The following TRIP11 variants were observed in gnomAD, a reference collection of about 807,000 sequenced individuals.
TRIP11 encodes the protein thyroid hormone receptor interactor 11, also known as thyroid receptor-interacting protein 11.
Under a neutral mutation model 223.1 loss-of-function variants are expected in TRIP11, and 148 were observed. That is an observed-to-expected ratio of 0.66 (90% CI 0.58 to 0.76). The LOEUF is 0.76. Among genes scored for constraint, TRIP11 ranks in the 30% least tolerant of loss-of-function variants. The pLI, the probability that TRIP11 is intolerant of heterozygous loss-of-function variation, is 0.00. For synonymous variants in TRIP11, 762 were observed against 772.6 expected (o/e 0.99, Z 0.23); for missense variants, 2,043 against 2,222.0 (o/e 0.92, Z 1.62).
intron 1 of TRIP11, among the ~76,000 whole-genome samples, chr14:92,035,513 C>G (rs1236608095): frequency 6.7e-6 from 1 of 150,180 alleles, no homozygotes; most frequent in African/African-American, 2.5e-5. Context: ...ATAAAATACA[C>G]TAACAATCGC....
Position 91,993,844 on chromosome 14 carries a change from C to T in TRIP11, c.5125G>A (p.Ala1709Thr), listed in dbSNP as rs141965887. 3.0e-4 allele frequency: 490 copies of T among 1,613,694 alleles called. 5 individuals carry two copies. In the African/African-American group the frequency reaches 5.5e-3, roughly 18 times the overall value. Residue 1709 changes from alanine (A) to threonine (T), a missense_variant, in exon 15 of 21, where the codon GCA becomes ACA. By Grantham distance (58) the Ala-to-Thr change is moderately conservative (BLOSUM62 0). Coordinates refer to ENST00000267622, the MANE Select transcript of TRIP11 (RefSeq NM_004239.4). ...KQLIAEWKKN[A>T]ENLEGKVISL... ...ATCACTTTTCCTTCCAGATTTTCTG[C>T]GTTTTTCTTCCATTCAGCTATAAGC...
intron 16 of TRIP11, among the ~76,000 whole-genome samples, chr14:91,988,081 A>G (rs1200407147): frequency 6.6e-6 from 1 of 152,162 alleles, no homozygotes; most frequent in African/African-American, 2.4e-5. Flanking sequence ...AGGAAAACTA[A>G]CTGGACAGCC....
intron 14 of TRIP11, among the ~76,000 whole-genome samples, chr14:91,995,019 C>T (rs1174695293): frequency 6.6e-6 from 1 of 151,914 alleles, no homozygotes; most frequent in Non-Finnish European, 1.5e-5. Flanking sequence ...ATCTCTCTTT[C>T]TTTGTATTCT....
intron 16 of TRIP11, among the ~76,000 whole-genome samples, chr14:91,979,760 T>C (rs980810453): frequency 3.9e-5 from 6 of 152,046 alleles, no homozygotes; most frequent in Non-Finnish European, 8.8e-5. Flanking sequence ...ACTACAAAGG[T>C]CCCTACAGAT....
At chr14:92,009,155 A>G (rs10137348) in intron 9 of TRIP11, among the ~76,000 whole-genome samples, 5,481 of 152,290 alleles carry the variant, frequency 0.036, 315 homozygotes, top group African/African-American at 0.11. Context: ...CTTTAGGTAG[A>G]TCTTAAAAGC....
intron 2 of TRIP11, among the ~76,000 whole-genome samples, chr14:92,032,048 C>T (rs374880314): frequency 3.9e-5 from 6 of 152,174 alleles, no homozygotes; most frequent in African/African-American, 1.4e-4. Flanking sequence ...CATCCTCCCA[C>T]CTCCACCTCC....
At chr14:91,981,012 A>ATATATATATAT (rs1301331303) in intron 16 of TRIP11, among the ~76,000 whole-genome samples, 1 of 49,926 alleles carries the variant, frequency 2.0e-5, no homozygotes, top group African/African-American at 6.7e-5. Context: ...ATATATATAT[A>ATATATATATAT]TTTTTTTTTT....
chr14:91,999,508 T>G (rs2056794482), intron 12 of TRIP11, 75 bp from the exon 13 acceptor site: 2 of 1,457,114 alleles, frequency 1.4e-6, no homozygotes, highest in East Asian at 4.7e-5. Context: ...TTATCAAATC[T>G]TTTTCCCATT....
At position 91,974,717 on chromosome 14, in the gene TRIP11, A is replaced by G. The variant is rs376249275; in HGVS notation, c.5484T>C (p.Val1828=). The G allele has an allele frequency of 1.4e-5, 23 of 1,613,334 alleles. No homozygotes were observed. The highest frequency in any genetic ancestry group is 1.9e-5 in the Non-Finnish European group (23 of 1,179,896). The change falls in exon 19 of 21, where the codon GTT becomes GTC. Residue 1828 remains valine (V), a synonymous_variant. Transcript: ENST00000267622. ...CAAGCCACCCAGTCATCCACCTGGT[A>G]ACACCGCCCTGATCGTCATGAAACA... ...EQLFHDDQGG[V]TRWMTGWLGG... is the part of the protein sequence containing the mutation.
chr14:92,011,362 G>T (rs1412681082), intron 8 of TRIP11, among the ~76,000 whole-genome samples: 1 of 151,100 alleles, frequency 6.6e-6, no homozygotes, highest in Non-Finnish European at 1.5e-5. Context: ...GTGGTGGCAC[G>T]CTCCTATCAT....
rs1049708685 is a variant in TRIP11, at chr14:92,008,030, T to C, written c.1315-178A>G. On this transcript the variant is annotated intron_variant, in intron 9 of 20. Coordinates refer to ENST00000267622, the MANE Select transcript of TRIP11 (RefSeq NM_004239.4). ...CAACAAACCACATCCTTCATTCATGTGCAATTTTACTTGTAGCTTCAAGCA... is the reference window on the plus strand; with the variant it reads ...CAACAAACCACATCCTTCATTCATGCGCAATTTTACTTGTAGCTTCAAGCA... 5.3e-5 allele frequency among the ~76,000 whole-genome samples: 8 copies of C among 152,228 alleles called. 1 individual carries two copies. The highest frequency in any genetic ancestry group is 5.2e-4 in the Admixed American group (8 of 15,292).
At position 92,003,837 on chromosome 14, in the gene TRIP11, G is replaced by C; in HGVS notation, c.4139C>G (p.Thr1380Ser). 6.2e-7 allele frequency: 1 copy of C among 1,614,038 alleles called. No homozygotes were observed. Among genetic ancestry groups the C allele is most frequent in the Non-Finnish European group, 8.5e-7 (1 of 1,180,026 alleles). The change falls in exon 11 of 21, where the codon ACC becomes AGC. Residue 1380 changes from threonine (T) to serine (S), a missense_variant. Transcript: ENST00000267622. ...NHRLSDSIAA[T>S]SELERKEHEQ... ...GTGTTCTTTTCTTTCTAGCTCTGAG[G>C]TGGCAGCAATCGAATCAGACAATCT... is the stretch of plus-strand genomic sequence containing the variant.
chr14:92,003,793 T>C lies in TRIP11; in HGVS notation c.4183A>G (p.Ile1395Val). 6.2e-7 allele frequency: 1 copy of C among 1,614,212 alleles called. No individual in the cohort carries two copies. The highest frequency in any genetic ancestry group is 8.5e-7 in the Non-Finnish European group (1 of 1,180,044). The part of the protein sequence containing the change: ...RKEHEQTDSE[I>V]KQLKEKQDVL... Reference sequence around the variant, plus strand: ...TCTTGTTTCTCCTTTAGCTGCTTGATTTCTGAATCGGTTTGTTCGTGTTCT... The same window carrying C: ...TCTTGTTTCTCCTTTAGCTGCTTGACTTCTGAATCGGTTTGTTCGTGTTCT... The change falls in exon 11 of 21, where the codon ATC (isoleucine) becomes GTC (valine). Residue 1395 changes from isoleucine (I) to valine (V), a missense_variant. Physicochemically the swap from Ile to Val is conservative, Grantham distance 29. Transcript: ENST00000267622.
rs202159761 is a variant in TRIP11 at position 92,007,825 on chromosome 14, A to G, written c.1342T>C (p.Leu448=). The change falls in exon 10 of 21, where the codon TTG becomes CTG. Residue 448 remains leucine (L), a synonymous_variant. Coordinates refer to ENST00000267622, the MANE Select transcript of TRIP11 (RefSeq NM_004239.4). ...KEELQMSLLK[L]NNEYEVIKST... is the part of the protein sequence containing the mutation. ...TTAATTACTTCATATTCATTGTTCA[A>G]TTTTAAAAGTGACATCTGAAGTTCT... 6.2e-6 allele frequency: 10 copies of G among 1,611,772 alleles called. No individual in the cohort carries two copies. In the East Asian group the frequency reaches 1.8e-4, roughly 29 times the overall value.
At chr14:92,010,483 T>C (rs998661152) in intron 9 of TRIP11, among the ~76,000 whole-genome samples, 1 of 151,918 alleles carries the variant, frequency 6.6e-6, no homozygotes, top group African/African-American at 2.4e-5. Flanking sequence ...TGACCCGAGA[T>C]TGCGCCACTG....
chr14:92,009,268 G>C (rs2140123303), intron 9 of TRIP11, among the ~76,000 whole-genome samples: 1 of 152,216 alleles, frequency 6.6e-6, no homozygotes, highest in South Asian at 2.1e-4. Context: ...TCCTGGCCTT[G>C]AGCAATCATC....
Position 92,021,764 on chromosome 14 carries a change from G to C in TRIP11, c.380C>G (p.Ala127Gly), listed in dbSNP as rs1302778774. ...AGCTCCTGAAGGTACTGACTGAGCA[G>C]CTGACTGCAGTTTCAGCAACTGATC... is the stretch of plus-strand genomic sequence containing the variant. ...LQDQLLKLQS[A>G]AQSVPSGAGV... The change falls in exon 4 of 21, where the codon GCT (alanine) becomes GGT (glycine). Residue 127 changes from alanine (A) to glycine (G), a missense_variant. Coordinates refer to ENST00000267622, the MANE Select transcript of TRIP11 (RefSeq NM_004239.4). 6.2e-7 allele frequency: 1 copy of C among 1,614,070 alleles called. No individual in the cohort carries two copies. The highest frequency in any genetic ancestry group is 1.3e-5 in the African/African-American group (1 of 74,932).
Position 91,967,224 on chromosome 14 carries a change from C to T in TRIP11, c.*2449G>A, listed in dbSNP as rs57302486. ...TGGAGTGGTTGCTAACTGCAACCTC[C>T]ACTTCCCGGGGTCAAGCAATTCTCC... On this transcript the variant is annotated 3_prime_UTR_variant, in exon 21 of 21. Transcript: ENST00000267622. 1,940 of 169,322 alleles carry T rather than the reference C, an allele frequency of 0.011. 29 individuals carry two copies. The highest frequency in any genetic ancestry group is 0.046 in the African/African-American group (1,800 of 39,490). The allele number at this position is 169,322 out of a possible 1,614,324, so 10.5% of individuals were successfully genotyped here. A position where few individuals can be genotyped will look rare whatever the true frequency, so the allele number is the denominator to read the frequency against.
intron 9 of TRIP11, among the ~76,000 whole-genome samples, chr14:92,009,981 A>G (rs2056951414): frequency 6.6e-6 from 1 of 152,234 alleles, no homozygotes; most frequent in Non-Finnish European, 1.5e-5. Context: ...TTCTGAACAC[A>G]TATATCAGAA....
Sources: gnomAD v4.1 joint callset for allele counts (sites outside exome capture counted in the v4.1 genomes callset) on GRCh38, gnomAD v4.1.1 for gene constraint, MANE v1.5 for transcripts, NCBI Gene and HGNC (gene_info 2026-07-23, HGNC 2026-07-21) for gene names.